The following ACBD6 variants were observed in gnomAD, a reference collection of about 807,000 sequenced individuals.
The protein encoded by ACBD6 is acyl-CoA-binding domain-containing protein 6.
ACBD6 carries 28 observed loss-of-function variants against 37.2 expected under a neutral mutation model. That is an observed-to-expected ratio of 0.75 (90% CI 0.56 to 1.03). The LOEUF (loss-of-function observed/expected upper bound fraction) is 1.03. Among genes scored for constraint, ACBD6 ranks in the 50% least tolerant of loss-of-function variants. The pLI is 0.00. For synonymous variants in ACBD6, 113 were observed against 126.8 expected, an observed-to-expected ratio of 0.89 and a Z score of 0.73; for missense variants, 340 against 337.4, an observed-to-expected ratio of 1.01 and a Z score of -0.06.
At chr1:180,370,768 C>T (rs59890502) in intron 6 of ACBD6, among the ~76,000 whole-genome samples, 1 of 151,972 alleles carries the variant, frequency 6.6e-6, no homozygotes, top group Non-Finnish European at 1.5e-5. Context: ...CTCAGGTATA[C>T]AAATGTAGTC....
At chr1:180,446,591 T>A (rs953231034) in intron 3 of ACBD6, among the ~76,000 whole-genome samples, 1 of 152,106 alleles carries the variant, frequency 6.6e-6, no homozygotes, top group Non-Finnish European at 1.5e-5. Flanking sequence ...AAAAGAAAAC[T>A]TTACCATGAA....
intron 9 of ACBD6, chr1:180,277,875 T>TC (rs1649129055): frequency 1.5e-5 from 1 of 66,800 alleles, no homozygotes. Context: ...TTAAACTTTT[T>TC]TTGGGGGGGG....
At chr1:180,297,760 G>C (rs1384971904) in intron 7 of ACBD6, among the ~76,000 whole-genome samples, 1 of 152,126 alleles carries the variant, frequency 6.6e-6, no homozygotes, top group Admixed American at 6.6e-5. Context: ...CATTTTTTGA[G>C]ATGGAGTCTT....
chr1:180,490,853 G>A lies in ACBD6; in HGVS notation c.384+1416C>T, dbSNP rs147076315. ...GTAGTGGTGTGCACCTATAGTCCCA[G>A]AGGCTGAAGTGGGAGAATCACTTGA... On this transcript the variant is annotated intron_variant, in intron 3 of 7. Transcript: ENST00000367595. Among the ~76,000 whole-genome samples, 841 of 149,698 alleles carry A rather than the reference G, an allele frequency of 5.6e-3. 6 individuals are homozygous for A. The highest frequency in any genetic ancestry group is 0.019 in the African/African-American group (778 of 40,748).
chr1:180,289,980 A>G lies in ACBD6; in HGVS notation c.695-1463T>C, dbSNP rs116391365. ...TCAAAGATTACCACTAGGGAAGGCC[A>G]TATGATTGAGAGGCATGCACAGGAG... On this transcript the variant is annotated intron_variant, in intron 7 of 7. Transcript: ENST00000367595. Among the ~76,000 whole-genome samples, 683 of 152,320 alleles carry G rather than the reference A, an allele frequency of 4.5e-3. 6 individuals are homozygous for G. The highest frequency in any genetic ancestry group is 0.016 in the African/African-American group (656 of 41,578).
At chr1:180,465,154 C>T (rs952922535) in intron 3 of ACBD6, among the ~76,000 whole-genome samples, 6 of 152,076 alleles carry the variant, frequency 3.9e-5, no homozygotes, top group East Asian at 1.9e-4. Context: ...GCGATTGCAA[C>T]GAAAGCAAAA....
In ACBD6 at chr1:180,421,748, G is replaced by C. The variant is rs1648372788; in HGVS notation, c.468-8277C>G. Among the ~76,000 whole-genome samples the C allele has an allele frequency of 2.0e-5, 3 of 152,158 alleles. No homozygotes were observed. In the South Asian group the frequency reaches 6.3e-4, roughly 32 times the overall value. On this transcript the variant is annotated intron_variant, in intron 4 of 7. Coordinates refer to ENST00000367595, the MANE Select transcript of ACBD6 (RefSeq NM_032360.4). ...AGGCATCTCATTATGGTTTTGATTT[G>C]CATTTCTCCAACGATCAGTGATGTT...
chr1:180,276,422 C>T (rs1233546732), intron 9 of ACBD6: 1 of 152,174 alleles, frequency 6.6e-6, no homozygotes, highest in Non-Finnish European at 1.5e-5. Flanking sequence ...ATAGCGTACC[C>T]TCGTTTTTTG....
exon 11 of ACBD6, chr1:180,274,057 T>C (rs940424927): frequency 4.2e-6 from 5 of 1,185,896 alleles, no homozygotes; most frequent in African/African-American, 3.0e-5. Flanking sequence ...GTCTGACCCA[T>C]GCTTGGCTGC....
chr1:180,281,791 G>A (rs1197209780), intron 8 of ACBD6, among the ~76,000 whole-genome samples: 1 of 152,094 alleles, frequency 6.6e-6, no homozygotes, highest in African/African-American at 2.4e-5. Flanking sequence ...TTATAAAATG[G>A]GGCCAAATCA....
rs112516790 is a variant in ACBD6, at chr1:180,368,099, C to T, written c.663+29417G>A. ...AATAGCTATTCTGACTTGTGTGAGA[C>T]GGTATCTTGTGGGTTTGATTTGCAT... On this transcript the variant is annotated intron_variant, in intron 6 of 7. Transcript: ENST00000367595. 6.6e-3 allele frequency among the ~76,000 whole-genome samples: 1,000 copies of T among 152,166 alleles called. 8 individuals are homozygous for T. Among genetic ancestry groups the T allele is most frequent in the Non-Finnish European group, 0.011 (715 of 67,972 alleles).
At chr1:180,442,616 T>C (rs113626796) in intron 3 of ACBD6, among the ~76,000 whole-genome samples, 82 of 152,344 alleles carry the variant, frequency 5.4e-4, no homozygotes, top group Non-Finnish European at 1.0e-3. Flanking sequence ...CTTTGTATTT[T>C]CCCACAGCTC....
At position 180,440,643 on chromosome 1, in the gene ACBD6, A is replaced by G. The variant is rs539496265; in HGVS notation, c.385-10381T>C. On this transcript the variant is annotated intron_variant, in intron 3 of 7. Coordinates refer to ENST00000367595, the MANE Select transcript of ACBD6 (RefSeq NM_032360.4). ...ACCTTTAGCCTTGAACCCACCAAGCAGTCACTCCCCATTCCCCTCTCCCCC... is the reference window on the plus strand; with the variant it reads ...ACCTTTAGCCTTGAACCCACCAAGCGGTCACTCCCCATTCCCCTCTCCCCC... Among the ~76,000 whole-genome samples, 28 of 146,146 alleles carry G rather than the reference A, an allele frequency of 1.9e-4. No homozygotes were observed. The East Asian group carries it at 5.4e-3, about 28-fold the overall frequency.
chr1:180,404,266 T>C (rs551452715), intron 5 of ACBD6, among the ~76,000 whole-genome samples: 56 of 152,074 alleles, frequency 3.7e-4, no homozygotes, highest in African/African-American at 1.0e-3. Flanking sequence ...AGAGTTTCAA[T>C]TGGGGAAGAT....
At chr1:180,306,728 TC>T (rs1295233036) in intron 7 of ACBD6, among the ~76,000 whole-genome samples, 1 of 152,214 alleles carries the variant, frequency 6.6e-6, no homozygotes, top group African/African-American at 2.4e-5. Flanking sequence ...AATCTGAAGG[TC>T]CCAATGTTTA....
intron 3 of ACBD6, among the ~76,000 whole-genome samples, chr1:180,465,747 C>T (rs994886853): frequency 6.6e-6 from 1 of 152,058 alleles, no homozygotes; most frequent in African/African-American, 2.4e-5. Flanking sequence ...ATAGCAAAGA[C>T]ATGGAATTAA....
intron 6 of ACBD6, among the ~76,000 whole-genome samples, chr1:180,335,295 A>T (rs1310422206): frequency 1.3e-5 from 2 of 152,204 alleles, no homozygotes; most frequent in African/African-American, 2.4e-5. Flanking sequence ...GAAGCCCGTC[A>T]TACTAACAGC....
At chr1:180,388,988 C>T (rs1653959248) in intron 6 of ACBD6, among the ~76,000 whole-genome samples, 1 of 151,854 alleles carries the variant, frequency 6.6e-6, no homozygotes, top group Non-Finnish European at 1.5e-5. Flanking sequence ...CCAAGCTGAT[C>T]TATAGATTCA....
intron 6 of ACBD6, among the ~76,000 whole-genome samples, chr1:180,353,467 T>TA (rs1652497383): frequency 6.6e-6 from 1 of 152,154 alleles, no homozygotes. Flanking sequence ...ATCCAATCAG[T>TA]TCAATAATAA....
Sources: gnomAD v4.1 joint callset for allele counts (sites outside exome capture counted in the v4.1 genomes callset) on GRCh38, gnomAD v4.1.1 for gene constraint, MANE v1.5 for transcripts, NCBI Gene and HGNC (gene_info 2026-07-23, HGNC 2026-07-21) for gene names.